The following TENM1 variants were observed in gnomAD, a reference collection of about 807,000 sequenced individuals.
The protein encoded by TENM1 is teneurin-1.
TENM1 carries 35 observed loss-of-function variants against 174.8 expected under a neutral mutation model. The observed-to-expected ratio is 0.20, with a 90% CI of 0.15 to 0.27. TENM1 has a LOEUF of 0.27. Among genes scored for constraint, TENM1 ranks in the 10% least tolerant of loss-of-function variants. The pLI is 1.00. For missense variants in TENM1, 1,633 were observed against 2,130.1 expected, an observed-to-expected ratio of 0.77 and a Z score of 4.59; for synonymous variants, 781 against 798.7, an observed-to-expected ratio of 0.98 and a Z score of 0.37.
chrX:124,428,252 T>C (rs1197048313), intron 23 of TENM1, among the ~76,000 whole-genome samples: 6 of 111,956 alleles, frequency 5.4e-5, no homozygotes, highest in Non-Finnish European at 1.1e-4. Context: ...CTTCCTCTGC[T>C]AATTGAAAAC....
chrX:125,001,972 C>G, the TENM1 span, among the ~76,000 whole-genome samples: 1 of 85,746 alleles, frequency 1.2e-5, no homozygotes, highest in African/African-American at 4.4e-5. Context: ...CACACACACA[C>G]AAGATCAAGT....
intron 3 of TENM1, among the ~76,000 whole-genome samples, chrX:124,830,765 C>T (rs1401685370): frequency 9.9e-5 from 11 of 111,490 alleles, no homozygotes; most frequent in Non-Finnish European, 2.1e-4. Context: ...AAAATCAAAG[C>T]TTTTTCTAAA....
At chrX:124,432,865 A>G (rs1346606107) in intron 23 of TENM1, among the ~76,000 whole-genome samples, 2 of 112,639 alleles carry the variant, frequency 1.8e-5, no homozygotes, top group East Asian at 5.5e-4. Flanking sequence ...TTACAAATAG[A>G]TACTTAAAAA....
intron 1 of TENM1, among the ~76,000 whole-genome samples, chrX:124,938,377 T>C (rs2058276613): frequency 8.9e-6 from 1 of 112,422 alleles, no homozygotes. Context: ...ATGTCAAATA[T>C]CTGCTTCATT....
chrX:124,832,811 G>A (rs184839606), intron 3 of TENM1, among the ~76,000 whole-genome samples: 88 of 112,143 alleles, frequency 7.8e-4, no homozygotes, highest in African/African-American at 2.7e-3. Flanking sequence ...TCGGGCTCAA[G>A]AGATCCTCCC....
intron 3 of TENM1, among the ~76,000 whole-genome samples, chrX:124,811,021 C>G (rs1001450311): frequency 9.0e-6 from 1 of 111,059 alleles, no homozygotes; most frequent in East Asian, 2.8e-4. Flanking sequence ...AGGGCCTTAC[C>G]TCATACCATA....
rs1056851880 is a variant in TENM1, at chrX:124,576,015, T to G, written c.2078-10455A>C. Among the ~76,000 whole-genome samples, 3 of 111,719 alleles carry G rather than the reference T, an allele frequency of 2.7e-5. No homozygotes were observed. The South Asian group carries it at 1.1e-3, about 42-fold the overall frequency. On this transcript the variant is annotated intron_variant, in intron 11 of 31. Coordinates refer to ENST00000422452, the Ensembl canonical transcript of TENM1. ...GACATTTGCTTATCATTTGACCCAT[T>G]AGGTACCAGATTGTCAGGGTAAAAC...
chrX:125,031,604 T>C, the TENM1 span, among the ~76,000 whole-genome samples: 1 of 112,338 alleles, frequency 8.9e-6, no homozygotes, highest in Non-Finnish European at 1.9e-5. Flanking sequence ...GATCATCTCA[T>C]CACCTAGGTA....
In TENM1 at chrX:124,685,137, A is replaced by AAACAAC. The variant is rs3060647; in HGVS notation, c.1016-13308_1016-13303dup. 6.0e-3 allele frequency among the ~76,000 whole-genome samples: 638 copies of AAACAAC among 106,095 alleles called. 1 individual carries two copies. Among genetic ancestry groups the AAACAAC allele is most frequent in the Non-Finnish European group, 5.9e-3 (308 of 51,856 alleles). The allele number at this position is 106,095 out of a possible 115,157, so 92.1% of individuals were successfully genotyped here. ...CATCACCAAAGGGAAAGCAAAAAAC[A>AAACAAC]AACAACAACAACAACAACAACAACA... On this transcript the variant is annotated intron_variant, in intron 5 of 31. Coordinates refer to ENST00000422452, the Ensembl canonical transcript of TENM1.
intron 22 of TENM1, among the ~76,000 whole-genome samples, chrX:124,459,716 G>T (rs5958490): frequency 0.44 from 48,777 of 110,508 alleles, 8,238 homozygotes; most frequent in Non-Finnish European, 0.53. Context: ...CGAAAGCAAT[G>T]ACAACAAAAG....
chrX:124,950,994 T>C (rs761382905), intron 1 of TENM1, among the ~76,000 whole-genome samples: 1 of 112,016 alleles, frequency 8.9e-6, no homozygotes, highest in East Asian at 2.8e-4. Flanking sequence ...TAAATTCTAC[T>C]GTGACAGACT....
At chrX:124,846,428 T>A (rs1159697431) in intron 3 of TENM1, among the ~76,000 whole-genome samples, 1 of 111,330 alleles carries the variant, frequency 9.0e-6, no homozygotes, top group African/African-American at 3.3e-5. Context: ...AGGTTCCCCA[T>A]CAATACAATT....
At chrX:124,879,006 A>T (rs1376302870) in intron 3 of TENM1, among the ~76,000 whole-genome samples, 1 of 112,172 alleles carries the variant, frequency 8.9e-6, no homozygotes, top group Admixed American at 9.4e-5. Context: ...TTGAGAAATA[A>T]AATTTTCATA....
rs958622960 is a variant in TENM1 at position 124,454,196 on chromosome X, C to G, written c.3950-705G>C. Among the ~76,000 whole-genome samples, 16 of 111,599 alleles carry G rather than the reference C, an allele frequency of 1.4e-4. No individual in the cohort carries two copies. In the South Asian group the frequency reaches 1.5e-3, roughly 11 times the overall value. On this transcript the variant is annotated intron_variant, in intron 22 of 31. Coordinates refer to ENST00000422452, the Ensembl canonical transcript of TENM1. Reference sequence around the variant, plus strand: ...GTTCTAATACTGAATACCCCACTTACAACTAATGTGTGACTCTGATTGAGT... The same window carrying G: ...GTTCTAATACTGAATACCCCACTTAGAACTAATGTGTGACTCTGATTGAGT...
exon 29 of TENM1, chrX:124,385,918 G>A (rs770610680): frequency 2.2e-5 from 27 of 1,208,254 alleles, no homozygotes; most frequent in Non-Finnish European, 3.0e-5. Context: ...TGTCCGGTGG[G>A]GTGTAGATGT....
At chrX:124,690,481 T>TAC (rs1556141123) in intron 5 of TENM1, among the ~76,000 whole-genome samples, 2 of 84,771 alleles carry the variant, frequency 2.4e-5, no homozygotes, top group Admixed American at 1.3e-4. Flanking sequence ...CCTGCTTTGT[T>TAC]AGAGTGTGTG....
intron 3 of TENM1, among the ~76,000 whole-genome samples, chrX:124,753,378 G>C (rs1302663637): frequency 4.4e-4 from 46 of 104,387 alleles, no homozygotes; most frequent in African/African-American, 1.6e-3. Context: ...TCAGCTTAAG[G>C]AGATTTTGGG....
chrX:124,899,479 C>A (rs1247904984), intron 1 of TENM1, among the ~76,000 whole-genome samples: 1 of 111,685 alleles, frequency 9.0e-6, no homozygotes, highest in Non-Finnish European at 1.9e-5. Flanking sequence ...AGGTGTGAGC[C>A]ACCACACCTA....
chrX:124,757,136 T>C (rs761061642), intron 3 of TENM1, among the ~76,000 whole-genome samples: 8 of 112,793 alleles, frequency 7.1e-5, no homozygotes, highest in African/African-American at 2.6e-4. Flanking sequence ...TGAGCTGTGG[T>C]TGGCTCCACC....
Sources: gnomAD v4.1 joint callset for allele counts (sites outside exome capture counted in the v4.1 genomes callset) on GRCh38, gnomAD v4.1.1 for gene constraint, MANE v1.5 for transcripts, NCBI Gene and HGNC (gene_info 2026-07-23, HGNC 2026-07-21) for gene names.